Variants in RAB27A observed in about 807,000 individuals in gnomAD.
RAB27A encodes RAB27A, member RAS oncogene family, also known as ras-related protein Rab-27A.
Under a neutral mutation model 20.8 loss-of-function variants are expected in RAB27A, and 17 were observed. The observed-to-expected ratio is 0.82, with a 90% confidence interval of 0.56 to 1.23. The LOEUF is 1.23. RAB27A is among the 50% of genes most tolerant of loss of function. The pLI, the probability that RAB27A is intolerant of heterozygous loss-of-function variation, is 0.00. For missense variants in RAB27A, 277 were observed against 266.7 expected, an observed-to-expected ratio of 1.04 and a Z score of -0.27; for synonymous variants, 85 against 92.8, an observed-to-expected ratio of 0.92 and a Z score of 0.48.
upstream of RAB27A, among the ~76,000 whole-genome samples, chr15:55,292,770 G>A (rs2054929915): frequency 6.6e-6 from 1 of 152,178 alleles, no homozygotes; most frequent in African/African-American, 2.4e-5. Context: ...CCTATCTGAA[G>A]CACAGAAAAC....
At chr15:55,209,807 T>C (rs1166712062) in intron 6 of RAB27A, among the ~76,000 whole-genome samples, 3 of 125,556 alleles carry the variant, frequency 2.4e-5, no homozygotes, top group Non-Finnish European at 5.0e-5. Flanking sequence ...TATACATATA[T>C]ACACACATGT....
intron 6 of RAB27A, among the ~76,000 whole-genome samples, chr15:55,210,427 AGG>A (rs372952364): frequency 8.6e-6 from 1 of 115,832 alleles, no homozygotes; most frequent in Admixed American, 8.3e-5. Context: ...TTTTTTTTTG[AGG>A]GGGGGGGAAT....
intron 1 of RAB27A, among the ~76,000 whole-genome samples, chr15:55,274,822 A>ATATG (rs1897815498): frequency 2.2e-5 from 3 of 139,016 alleles, no homozygotes; most frequent in African/African-American, 7.8e-5. Flanking sequence ...ATATATATAT[A>ATATG]TATGTATAGA....
chr15:55,262,434 C>T (rs530245934), intron 2 of RAB27A, among the ~76,000 whole-genome samples: 13 of 150,954 alleles, frequency 8.6e-5, no homozygotes, highest in African/African-American at 2.7e-4. Flanking sequence ...CTCAGGTACT[C>T]GGGAGGCTGA....
intron 2 of RAB27A, among the ~76,000 whole-genome samples, chr15:55,239,591 G>T (rs1457189219): frequency 1.3e-5 from 2 of 152,150 alleles, no homozygotes; most frequent in Non-Finnish European, 2.9e-5. Context: ...TGTGATGAGT[G>T]ACACAGGCTT....
chr15:55,209,540 T>C (rs1157778442), intron 6 of RAB27A, among the ~76,000 whole-genome samples: 1 of 152,072 alleles, frequency 6.6e-6, no homozygotes, highest in African/African-American at 2.4e-5. Flanking sequence ...CATTCATCCA[T>C]TGATGGGTAG....
intron 2 of RAB27A, among the ~76,000 whole-genome samples, chr15:55,259,167 A>C (rs1897187222): frequency 6.6e-6 from 1 of 151,992 alleles, no homozygotes; most frequent in Admixed American, 6.6e-5. Flanking sequence ...GATACTATTT[A>C]TAAGTTATGT....
intron 2 of RAB27A, among the ~76,000 whole-genome samples, chr15:55,256,103 AG>A (rs1394421579): frequency 6.6e-6 from 1 of 152,168 alleles, no homozygotes; most frequent in African/African-American, 2.4e-5. Context: ...AGTCAAGTAG[AG>A]GCTGGGAGGT....
At chr15:55,215,448 C>A (rs1038841950) in intron 6 of RAB27A, among the ~76,000 whole-genome samples, 1 of 149,468 alleles carries the variant, frequency 6.7e-6, no homozygotes, top group African/African-American at 2.5e-5. Context: ...GTCAGGAGAT[C>A]GAGACCATCC....
At chr15:55,212,256 G>A (rs1432249646) in intron 6 of RAB27A, among the ~76,000 whole-genome samples, 1 of 152,154 alleles carries the variant, frequency 6.6e-6, no homozygotes, top group Non-Finnish European at 1.5e-5. Flanking sequence ...CACAATGCTA[G>A]AAAGTAGCAG....
intron 2 of RAB27A, 55 bp from the exon 3 acceptor site, chr15:55,235,011 T>C: frequency 7.3e-7 from 1 of 1,373,870 alleles, no homozygotes; most frequent in Non-Finnish European, 1.0e-6. Flanking sequence ...ACATTAATTA[T>C]CCATTTAAAA....
intron 5 of RAB27A, among the ~76,000 whole-genome samples, chr15:55,226,974 C>G (rs1895828496): frequency 6.6e-6 from 1 of 151,816 alleles, no homozygotes; most frequent in Admixed American, 6.6e-5. Flanking sequence ...AATGTTTATT[C>G]CTAATTAAGA....
intron 6 of RAB27A, among the ~76,000 whole-genome samples, chr15:55,217,662 T>A (rs1895370689): frequency 1.0e-4 from 2 of 20,020 alleles, no homozygotes; most frequent in Non-Finnish European, 1.5e-4. Context: ...ACACTCCATC[T>A]CAAAAAAAAA....
intron 6 of RAB27A, among the ~76,000 whole-genome samples, chr15:55,212,666 A>C (rs1206728368): frequency 6.6e-6 from 1 of 151,588 alleles, no homozygotes; most frequent in African/African-American, 2.4e-5. Context: ...AGTAGCTGGG[A>C]TTACAGGCGG....
chr15:55,253,371 A>T (rs1595718996), intron 2 of RAB27A, among the ~76,000 whole-genome samples: 1 of 147,518 alleles, frequency 6.8e-6, no homozygotes, highest in Admixed American at 6.7e-5. Context: ...CGCTTGAACC[A>T]GGGAGGCAGA....
At chr15:55,282,271 C>T (rs910070852) in intron 1 of RAB27A, among the ~76,000 whole-genome samples, 1 of 152,156 alleles carries the variant, frequency 6.6e-6, no homozygotes, top group African/African-American at 2.4e-5. Flanking sequence ...AAAGAACACA[C>T]CAGGAAACCA....
chr15:55,282,668 AC>A (rs1319734648), intron 1 of RAB27A, among the ~76,000 whole-genome samples: 1 of 151,984 alleles, frequency 6.6e-6, no homozygotes, highest in East Asian at 1.9e-4. Context: ...TCCCTGTGTA[AC>A]CCTTCAGGTA....
At position 55,217,031 on chromosome 15, in the gene RAB27A, G is replaced by C. The variant is rs969245092; in HGVS notation, c.467+6858C>G. ...AGCTCTAACTTTTCAAGTTACTCATGCTAAAAGACACACAATATTAACAAG... is the reference window on the plus strand; with the variant it reads ...AGCTCTAACTTTTCAAGTTACTCATCCTAAAAGACACACAATATTAACAAG... On this transcript the variant is annotated intron_variant, in intron 6 of 6. Coordinates refer to ENST00000336787, the MANE Select transcript of RAB27A (RefSeq NM_183235.3). Among the ~76,000 whole-genome samples, 6 of 149,144 alleles carry C rather than the reference G, an allele frequency of 4.0e-5. No homozygotes were observed. In the South Asian group the frequency reaches 1.3e-3, roughly 31 times the overall value.
At chr15:55,219,706 G>C (rs1205484926) in intron 6 of RAB27A, among the ~76,000 whole-genome samples, 1 of 152,188 alleles carries the variant, frequency 6.6e-6, no homozygotes, top group Non-Finnish European at 1.5e-5. Context: ...TCTTTTTAAA[G>C]TGTTTCAGTA....
Sources: gnomAD v4.1 joint callset for allele counts (sites outside exome capture counted in the v4.1 genomes callset) on GRCh38, gnomAD v4.1.1 for gene constraint, MANE v1.5 for transcripts, NCBI Gene and HGNC (gene_info 2026-07-23, HGNC 2026-07-21) for gene names.